Variants in CNTNAP3B observed in about 807,000 individuals in gnomAD.
CNTNAP3B encodes the protein contactin-associated protein-like 3B.
A neutral mutation model predicts 108.9 loss-of-function variants in CNTNAP3B; 25 were observed. The ratio of observed to expected loss-of-function variants is 0.23; its 90% CI spans 0.17 to 0.32. The LOEUF is 0.32. Ranked by LOEUF, CNTNAP3B falls within the 10% of genes least tolerant of loss-of-function variation. CNTNAP3B has a pLI of 1.00. For missense variants in CNTNAP3B, 252 were observed against 1,210.4 expected (o/e 0.21, Z 11.75); for synonymous variants, 103 against 473.4 (o/e 0.22, Z 10.16).
At chr9:41,988,547 G>T (rs1448072882) in intron 8 of CNTNAP3B, among the ~76,000 whole-genome samples, 1 of 146,932 alleles carries the variant, frequency 6.8e-6, no homozygotes, top group African/African-American at 2.5e-5. Context: ...ACCACACCTG[G>T]CCCCTTCTTT....
chr9:42,030,955 A>G lies in CNTNAP3B; in HGVS notation c.391-17430T>C, dbSNP rs1826514664. Among the ~76,000 whole-genome samples, 2 of 107,538 alleles carry G rather than the reference A, an allele frequency of 1.9e-5. 1 individual carries two copies. The highest frequency in any genetic ancestry group is 7.5e-5 in the African/African-American group (2 of 26,516). The allele number at this position is 107,538 out of a possible 152,430, so 70.5% of individuals were successfully genotyped here. On this transcript the variant is annotated intron_variant, in intron 3 of 23. Transcript: ENST00000377561. ...CTCTCAGAAGACACTTCTTCACTCT[A>G]CCTTCAATCTTTCATTTGCAAAATT... is the stretch of plus-strand genomic sequence containing the variant.
chr9:42,002,833 A>G lies in CNTNAP3B; in HGVS notation c.539-4229T>C, dbSNP rs1564172288. 3.0e-5 allele frequency among the ~76,000 whole-genome samples: 4 copies of G among 135,284 alleles called. 2 individuals carry two copies. The highest frequency in any genetic ancestry group is 1.5e-4 in the Admixed American group (2 of 13,578). The allele number at this position is 135,284 out of a possible 152,430, so 88.8% of individuals were successfully genotyped here. A position where few individuals can be genotyped will look rare whatever the true frequency, so the allele number is the denominator to read the frequency against. ...TATGACGCTTCTGAAAAGCTAAGAC[A>G]TAAGTAATTTTGAGTTGCTATTTCC... On this transcript the variant is annotated intron_variant, in intron 4 of 23. Transcript: ENST00000377561.
intron 13 of CNTNAP3B, among the ~76,000 whole-genome samples, chr9:41,944,653 A>C (rs1369893675): frequency 2.0e-5 from 3 of 151,684 alleles, no homozygotes; most frequent in Non-Finnish European, 4.4e-5. Flanking sequence ...GCAACAAATA[A>C]AAAAGAGTTA....
At chr9:41,919,100 G>C (rs1464953939) in intron 18 of CNTNAP3B, among the ~76,000 whole-genome samples, 1 of 152,374 alleles carries the variant, frequency 6.6e-6, no homozygotes, top group South Asian at 2.1e-4. Context: ...AGTCAGTACA[G>C]AGTACTTAAT....
intron 3 of CNTNAP3B, among the ~76,000 whole-genome samples, chr9:42,019,370 T>TG (rs1826267153): frequency 1.2e-5 from 1 of 83,314 alleles, no homozygotes; most frequent in Non-Finnish European, 2.3e-5. Context: ...TTAAGAAATG[T>TG]GGGTGATGGT....
intron 2 of CNTNAP3B, among the ~76,000 whole-genome samples, chr9:42,097,324 C>T (rs1827923172): frequency 7.1e-6 from 1 of 140,152 alleles, no homozygotes. Context: ...ATTCCTCCCG[C>T]ACCGCCTGTT....
At chr9:42,055,536 T>C (rs1587234775) in intron 3 of CNTNAP3B, among the ~76,000 whole-genome samples, 1 of 139,128 alleles carries the variant, frequency 7.2e-6, no homozygotes, top group Non-Finnish European at 1.5e-5. Flanking sequence ...CACATATGCA[T>C]ATATTACACT....
At chr9:42,019,591 CAAAAA>C (rs569640352) in intron 3 of CNTNAP3B, among the ~76,000 whole-genome samples, 2 of 100,814 alleles carry the variant, frequency 2.0e-5, no homozygotes, top group Non-Finnish European at 1.9e-5. Flanking sequence ...ATCTCTACTT[CAAAAA>C]AAAAAAAAAA....
In CNTNAP3B at chr9:42,098,225, G is replaced by T. The variant is rs1170672558; in HGVS notation, c.196+6404C>A. ...GCAAACTTACTTCCTCAGAGAAGCAGAAACTCTTTGTCTTACTGACACTGG... is the reference window on the plus strand; with the variant it reads ...GCAAACTTACTTCCTCAGAGAAGCATAAACTCTTTGTCTTACTGACACTGG... On this transcript the variant is annotated intron_variant, in intron 2 of 23. Coordinates refer to ENST00000377561, the MANE Select transcript of CNTNAP3B (RefSeq NM_001201380.3). 3.7e-5 allele frequency among the ~76,000 whole-genome samples: 5 copies of T among 135,210 alleles called. 1 individual carries two copies. The highest frequency in any genetic ancestry group is 7.8e-5 in the Non-Finnish European group (5 of 63,856). The allele number at this position is 135,210 out of a possible 152,430, so 88.7% of individuals were successfully genotyped here. A position where few individuals can be genotyped will look rare whatever the true frequency, so the allele number is the denominator to read the frequency against.
At position 42,095,602 on chromosome 9, in the gene CNTNAP3B, A is replaced by G. The variant is rs2118679497; in HGVS notation, c.196+9027T>C. Reference sequence around the variant, plus strand: ...GCAGGTATAAATTTTTAAATCACAAACTCATGAGGGAAAATGTAACTTCAT... The same window carrying G: ...GCAGGTATAAATTTTTAAATCACAAGCTCATGAGGGAAAATGTAACTTCAT... On this transcript the variant is annotated intron_variant, in intron 2 of 23. Transcript: ENST00000377561. Among the ~76,000 whole-genome samples the G allele has an allele frequency of 1.5e-5, 2 of 137,616 alleles. 1 individual carries two copies. Among genetic ancestry groups the G allele is most frequent in the Admixed American group, 1.4e-4 (2 of 13,824 alleles). The allele number at this position is 137,616 out of a possible 152,430, so 90.3% of individuals were successfully genotyped here.
At chr9:41,933,306 T>C (rs892882131) in intron 14 of CNTNAP3B, among the ~76,000 whole-genome samples, 73 of 152,388 alleles carry the variant, frequency 4.8e-4, no homozygotes, top group African/African-American at 1.7e-3. Flanking sequence ...TAAACAACCT[T>C]CCTCTCTGTG....
At chr9:41,955,509 T>C (rs1824829675) in intron 12 of CNTNAP3B, among the ~76,000 whole-genome samples, 1 of 152,302 alleles carries the variant, frequency 6.6e-6, no homozygotes, top group Non-Finnish European at 1.5e-5. Flanking sequence ...TTAAAGAGCA[T>C]CTAATATAAC....
chr9:41,968,858 C>A (rs1440563218), intron 10 of CNTNAP3B, among the ~76,000 whole-genome samples: 1 of 149,988 alleles, frequency 6.7e-6, no homozygotes, highest in South Asian at 2.1e-4. Context: ...AGTGCAGTGG[C>A]ACTATCTCAT....
At chr9:41,924,808 T>A (rs1031256108) in intron 15 of CNTNAP3B, among the ~76,000 whole-genome samples, 1 of 152,276 alleles carries the variant, frequency 6.6e-6, no homozygotes, top group Non-Finnish European at 1.5e-5. Flanking sequence ...GCCTCTTTAG[T>A]GTCCTTTATT....
At chr9:41,943,994 G>C (rs1273487498) in intron 13 of CNTNAP3B, among the ~76,000 whole-genome samples, 11 of 152,302 alleles carry the variant, frequency 7.2e-5, no homozygotes, top group Admixed American at 7.2e-4. Flanking sequence ...AATTATGCCA[G>C]ATTTCCCTTA....
chr9:42,117,742 G>GT lies in CNTNAP3B; in HGVS notation c.85+11267dup, dbSNP rs900998591. Among the ~76,000 whole-genome samples, 4 of 136,280 alleles carry GT rather than the reference G, an allele frequency of 2.9e-5. 1 individual carries two copies. Among genetic ancestry groups the GT allele is most frequent in the African/African-American group, 8.8e-5 (3 of 34,028 alleles). 89.4% of individuals were successfully genotyped at this position (136,280 alleles called of 152,430 possible). A position where few individuals can be genotyped will look rare whatever the true frequency, so the allele number is the denominator to read the frequency against. On this transcript the variant is annotated intron_variant, in intron 1 of 23. Coordinates refer to ENST00000377561, the MANE Select transcript of CNTNAP3B (RefSeq NM_001201380.3). Reference sequence around the variant, plus strand: ...AAAAAATCAATGAATCCAAGAGCTGGTTTTTTGGAAAGATCAACAAAATTG... The same window carrying GT: ...AAAAAATCAATGAATCCAAGAGCTGGTTTTTTTGGAAAGATCAACAAAATTG...
rs1395245222 is a variant in CNTNAP3B, at chr9:42,115,941, G to A, written c.86-11202C>T. On this transcript the variant is annotated intron_variant, in intron 1 of 23. Transcript: ENST00000377561. ...TTCTCCGAGCTAAAGGAGGATGTTC[G>A]AACCCGTCGCAAAGAAGCTAAAAAC... is the stretch of plus-strand genomic sequence containing the variant. 8.3e-5 allele frequency among the ~76,000 whole-genome samples: 11 copies of A among 132,444 alleles called. 2 individuals are homozygous for A. The highest frequency in any genetic ancestry group is 2.8e-4 in the African/African-American group (9 of 32,450). 86.9% of individuals were successfully genotyped at this position (132,444 alleles called of 152,430 possible).
chr9:41,950,142 G>A (rs987473169), intron 13 of CNTNAP3B, among the ~76,000 whole-genome samples: 4 of 102,656 alleles, frequency 3.9e-5, no homozygotes, highest in African/African-American at 1.5e-4. Flanking sequence ...TATAAAACAT[G>A]CTCAATATTA....
Position 41,990,507 on chromosome 9 carries a change from C to T in CNTNAP3B, c.1333+1103G>A, listed in dbSNP as rs1303219411. Among the ~76,000 whole-genome samples, 17 of 129,454 alleles carry T rather than the reference C, an allele frequency of 1.3e-4. 3 individuals are homozygous for T. The highest frequency in any genetic ancestry group is 2.8e-4 in the African/African-American group (9 of 31,858). 84.9% of individuals were successfully genotyped at this position (129,454 alleles called of 152,430 possible). Reference sequence around the variant, plus strand: ...AGGCCCCGCCCTCCGAATTTCTTCACGGGTCTTGAAATCGTGCTTTCGTAC... The same window carrying T: ...AGGCCCCGCCCTCCGAATTTCTTCATGGGTCTTGAAATCGTGCTTTCGTAC... On this transcript the variant is annotated intron_variant, in intron 8 of 23. Transcript: ENST00000377561.
Sources: allele counts gnomAD v4.1 joint callset (sites outside exome capture counted in the v4.1 genomes callset), GRCh38; gene constraint gnomAD v4.1.1; transcripts MANE v1.5; gene names NCBI Gene and HGNC (gene_info 2026-07-23, HGNC 2026-07-21).